The following MAP3K4 variants were observed in gnomAD, a reference collection of about 807,000 sequenced individuals.
The protein encoded by MAP3K4 is mitogen-activated protein kinase kinase kinase 4, also known as MAP three kinase 1.
Under a neutral mutation model 185.6 loss-of-function variants are expected in MAP3K4, and 67 were observed. The ratio of observed to expected loss-of-function variants is 0.36; its 90% CI spans 0.30 to 0.44. MAP3K4 has a LOEUF of 0.44. Ranked by LOEUF, MAP3K4 falls within the 20% of genes least tolerant of loss-of-function variation. The pLI, the probability that MAP3K4 is intolerant of heterozygous loss-of-function variation, is 1.00. For synonymous variants in MAP3K4, 702 were observed against 710.4 expected (o/e 0.99, Z 0.19); for missense variants, 1,551 against 1,995.1 (o/e 0.78, Z 4.24).
chr6:161,102,602 A>G, intron 18 of MAP3K4, 97 bp from the exon 19 acceptor site: 1 of 691,556 alleles, frequency 1.4e-6, no homozygotes, highest in Non-Finnish European at 2.3e-6. Context: ...AGAAAGGCAA[A>G]CAGGTTGCTT....
Position 161,097,223 on chromosome 6 carries a change from TA to T in MAP3K4, c.3524+48del. 6.7e-7 allele frequency: 1 copy of T among 1,493,960 alleles called. No homozygotes were observed. Among genetic ancestry groups the T allele is most frequent in the Non-Finnish European group, 9.3e-7 (1 of 1,071,234 alleles). 92.5% of individuals were successfully genotyped at this position (1,493,960 alleles called of 1,614,324 possible). ...ATTTGCTTTACAGAGTGCCCTCCGATATGCATGCTCATACTTTTGAAACTAC... is the reference window on the plus strand; with the variant it reads ...ATTTGCTTTACAGAGTGCCCTCCGATTGCATGCTCATACTTTTGAAACTAC... On this transcript the variant is annotated intron_variant, in intron 16 of 26. Transcript: ENST00000392142. The surrounding 1 kb of genome is among the most constrained non-coding windows in gnomAD (Gnocchi z 4.9).
At chr6:161,038,795 A>AT (rs796948115) in intron 2 of MAP3K4, among the ~76,000 whole-genome samples, 105 of 151,944 alleles carry the variant, frequency 6.9e-4, no homozygotes, top group African/African-American at 2.4e-3. Context: ...CTGAGCCCTC[A>AT]TTTTTTTTGT....
chr6:161,104,495 C>CGAGGTCAA (rs1310533407), intron 19 of MAP3K4, among the ~76,000 whole-genome samples: 3 of 151,370 alleles, frequency 2.0e-5, no homozygotes, highest in Non-Finnish European at 2.9e-5. Flanking sequence ...AGGTGGATCA[C>CGAGGTCAA]GAGGTCAAGA....
intron 1 of MAP3K4, among the ~76,000 whole-genome samples, chr6:161,009,150 A>G (rs1292508182): frequency 6.6e-6 from 1 of 151,828 alleles, no homozygotes; most frequent in Non-Finnish European, 1.5e-5. Flanking sequence ...ACGCCCAGCT[A>G]ATTTGTGTAT....
chr6:161,066,939 G>A (rs1382469336), intron 3 of MAP3K4, among the ~76,000 whole-genome samples: 2 of 152,218 alleles, frequency 1.3e-5, no homozygotes, highest in African/African-American at 4.8e-5. Flanking sequence ...AAAGTTTGGT[G>A]AATTTTATAG....
Position 161,080,824 on chromosome 6 carries a change from G to C in MAP3K4, c.2098-57G>C, listed in dbSNP as rs1172845553. 4 of 1,517,936 alleles carry C rather than the reference G, an allele frequency of 2.6e-6. No homozygotes were observed. The African/African-American group carries it at 5.5e-5, about 21-fold the overall frequency. 94.0% of individuals were successfully genotyped at this position (1,517,936 alleles called of 1,614,324 possible). A position where few individuals can be genotyped will look rare whatever the true frequency, so the allele number is the denominator to read the frequency against. On this transcript the variant is annotated intron_variant, in intron 5 of 26. Transcript: ENST00000392142. The surrounding 1 kb of genome is among the most constrained non-coding windows in gnomAD (Gnocchi z 4.8). Reference sequence around the variant, plus strand: ...GCTGATGTGTAGCTTTCAGGTGAGAGCGCTGAGTTGCCAAGTTCTACTTTC... The same window carrying C: ...GCTGATGTGTAGCTTTCAGGTGAGACCGCTGAGTTGCCAAGTTCTACTTTC...
In MAP3K4 at chr6:161,092,217, G is replaced by C. The variant is rs534795777; in HGVS notation, c.3269+74G>C. ...GTATTTGTTCATATATGTTCTGTGG[G>C]ATTCTTTTTGAGCAGACGACACAGA... On this transcript the variant is annotated intron_variant, in intron 13 of 26. Transcript: ENST00000392142. The C allele has an allele frequency of 3.9e-6, 6 of 1,529,022 alleles. No homozygotes were observed. In the East Asian group the frequency reaches 1.4e-4, roughly 35 times the overall value. The allele number at this position is 1,529,022 out of a possible 1,614,324, so 94.7% of individuals were successfully genotyped here. A position where few individuals can be genotyped will look rare whatever the true frequency, so the allele number is the denominator to read the frequency against.
At chr6:161,039,279 C>CAAAAAAAAAAAAAAAA (rs3050259) in intron 2 of MAP3K4, among the ~76,000 whole-genome samples, 1 of 71,946 alleles carries the variant, frequency 1.4e-5, no homozygotes, top group Non-Finnish European at 2.7e-5. Flanking sequence ...CGCAAAAATG[C>CAAAAAAAAAAAAAAAA]AAAAAAAAAA....
Position 161,080,852 on chromosome 6 carries a change from A to G in MAP3K4, c.2098-29A>G, listed in dbSNP as rs1168391597. The G allele has an allele frequency of 9.3e-6, 15 of 1,608,374 alleles. No individual in the cohort carries two copies. The highest frequency in any genetic ancestry group is 2.7e-5 in the African/African-American group (2 of 74,750). On this transcript the variant is annotated intron_variant, in intron 5 of 26. Coordinates refer to ENST00000392142, the MANE Select transcript of MAP3K4 (RefSeq NM_005922.4). This position sits in a 1 kb window ranked among gnomAD's most constrained non-coding sequence, Gnocchi z 4.8. ...CTGAGTTGCCAAGTTCTACTTTCAA[A>G]TGTCTCCCTTTACTTTTTGTGTTTT...
In MAP3K4 at chr6:161,112,898, A is replaced by G. The variant is rs907393830; in HGVS notation, c.4626+124A>G. The G allele has an allele frequency of 1.9e-6, 1 of 525,844 alleles. No individual in the cohort carries two copies. The highest frequency in any genetic ancestry group is 1.9e-5 in the African/African-American group (1 of 51,498). The allele number at this position is 525,844 out of a possible 1,614,324, so 32.6% of individuals were successfully genotyped here. A position where few individuals can be genotyped will look rare whatever the true frequency, so the allele number is the denominator to read the frequency against. Reference sequence around the variant, plus strand: ...GACACTAAATAGCGAACGATATTAGATACAAAAATCTGATCCATCAAAAGA... The same window carrying G: ...GACACTAAATAGCGAACGATATTAGGTACAAAAATCTGATCCATCAAAAGA... On this transcript the variant is annotated intron_variant, in intron 25 of 26. Coordinates refer to ENST00000392142, the MANE Select transcript of MAP3K4 (RefSeq NM_005922.4). The surrounding 1 kb of genome is among the most constrained non-coding windows in gnomAD (Gnocchi z 5.1).
chr6:161,052,609 A>T (rs1369043868), intron 3 of MAP3K4, among the ~76,000 whole-genome samples: 1 of 152,230 alleles, frequency 6.6e-6, no homozygotes, highest in East Asian at 1.9e-4. Context: ...CTTCTTCAGT[A>T]TTGGGGATTA....
intron 1 of MAP3K4, among the ~76,000 whole-genome samples, chr6:161,026,047 A>AT (rs1171178982): frequency 1.3e-5 from 2 of 151,972 alleles, no homozygotes; most frequent in Non-Finnish European, 2.9e-5. Context: ...ACATGTAATA[A>AT]TTTTTTTCTT....
chr6:160,998,553 GTATCTGAGCTGGCT>G (rs926118749), intron 1 of MAP3K4, among the ~76,000 whole-genome samples: 9 of 152,062 alleles, frequency 5.9e-5, no homozygotes, highest in African/African-American at 9.7e-5. Flanking sequence ...TTTATTTTTG[GTATCTGAGCTGGCT>G]TATCTGAGCT....
In MAP3K4 at chr6:161,101,938, G is replaced by C. The variant is rs1777856468; in HGVS notation, c.3721G>C (p.Glu1241Gln). Residue 1241 changes from glutamate to glutamine, a missense_variant, in exon 18 of 27, where the codon GAA becomes CAA. This residue lies in a region of MAP3K4 where 272 missense variants were observed against 301.2 expected (regional missense o/e 0.90). Transcript: ENST00000392142. This position sits in a 1 kb window ranked among gnomAD's most constrained non-coding sequence, Gnocchi z 5.1. ...ENDRLASIAAELQFRSLSRHS... is the reference protein window; with the variant it reads ...ENDRLASIAAQLQFRSLSRHS... ...TGATCGATTGGCTTCCATAGCTGCTGAATTGCAGTTTAGGTCCCTGAGTCG... is the reference window on the plus strand; with the variant it reads ...TGATCGATTGGCTTCCATAGCTGCTCAATTGCAGTTTAGGTCCCTGAGTCG... 8 of 1,614,168 alleles carry C rather than the reference G, an allele frequency of 5.0e-6. No individual in the cohort carries two copies. The highest frequency in any genetic ancestry group is 5.9e-6 in the Non-Finnish European group (7 of 1,180,016).
chr6:161,106,292 G>A lies in MAP3K4; in HGVS notation c.3857-222G>A, dbSNP rs959029662. On this transcript the variant is annotated intron_variant, in intron 19 of 26. Coordinates refer to ENST00000392142, the MANE Select transcript of MAP3K4 (RefSeq NM_005922.4). The surrounding 1 kb of genome is among the most constrained non-coding windows in gnomAD (Gnocchi z 4.9). ...TCTTGGGAAAGGAAATCATTTTTGTGTGACTAGCTTATATTTTATGTGTGT... is the reference window on the plus strand; with the variant it reads ...TCTTGGGAAAGGAAATCATTTTTGTATGACTAGCTTATATTTTATGTGTGT... 2.6e-5 allele frequency among the ~76,000 whole-genome samples: 4 copies of A among 152,180 alleles called. No homozygotes were observed. The highest frequency in any genetic ancestry group is 9.6e-5 in the African/African-American group (4 of 41,460).
At chr6:161,045,107 A>G (rs1001711844) in intron 2 of MAP3K4, among the ~76,000 whole-genome samples, 32 of 152,208 alleles carry the variant, frequency 2.1e-4, no homozygotes, top group Admixed American at 2.0e-3. Flanking sequence ...CTTTTTGCAC[A>G]GTAGCTAGAC....
chr6:161,045,706 A>G (rs1308554957), intron 2 of MAP3K4, among the ~76,000 whole-genome samples: 1 of 152,118 alleles, frequency 6.6e-6, no homozygotes, highest in Non-Finnish European at 1.5e-5. Context: ...ATATTTTTTC[A>G]CTCTCAACTA....
Position 161,087,546 on chromosome 6 carries a change from C to T in MAP3K4, c.2557-142C>T. 2 of 785,088 alleles carry T rather than the reference C, an allele frequency of 2.5e-6. No individual in the cohort carries two copies. The highest frequency in any genetic ancestry group is 2.3e-5 in the Admixed American group (1 of 42,648). The allele number at this position is 785,088 out of a possible 1,614,324, so 48.6% of individuals were successfully genotyped here. A position where few individuals can be genotyped will look rare whatever the true frequency, so the allele number is the denominator to read the frequency against. On this transcript the variant is annotated intron_variant, in intron 9 of 26. Coordinates refer to ENST00000392142, the MANE Select transcript of MAP3K4 (RefSeq NM_005922.4). This position sits in a 1 kb window ranked among gnomAD's most constrained non-coding sequence, Gnocchi z 4.9. ...CTTCAGTCACACTGAAGCCGGCTAC[C>T]TGCAGTTCCCTCACTGCTCCAATTC...
intron 1 of MAP3K4, among the ~76,000 whole-genome samples, chr6:161,030,433 TTTTGTTTG>T (rs879897166): frequency 3.3e-5 from 5 of 152,000 alleles, no homozygotes; most frequent in African/African-American, 9.7e-5. Context: ...TCTTTGGTAT[TTTTGTTTG>T]TTTGTTTGTT....
Sources: gnomAD v4.1 joint callset for allele counts (sites outside exome capture counted in the v4.1 genomes callset) on GRCh38, gnomAD v4.1.1 for gene constraint, gnomAD v4.1.1 regional missense constraint, Gnocchi (gnomAD v3.1) non-coding constraint, MANE v1.5 for transcripts, NCBI Gene and HGNC (gene_info 2026-07-23, HGNC 2026-07-21) for gene names.